The following CENPW variants were observed in gnomAD, a reference collection of about 807,000 sequenced individuals.
CENPW encodes cancer-up-regulated gene 2 protein.
CENPW carries 3 observed loss-of-function variants against 11.1 expected under a neutral mutation model. The ratio of observed to expected loss-of-function variants is 0.27; its 90% confidence interval spans 0.12 to 0.70. The LOEUF (loss-of-function observed/expected upper bound fraction) is 0.70, where lower values mean the gene tolerates loss of function less well. CENPW is among the 30% of genes least tolerant of loss of function. The probability of loss-of-function intolerance (pLI) is 0.77; values close to 1 mark genes in which losing one functional copy is unlikely to be tolerated. For missense variants in CENPW, 100 were observed against 105.6 expected (o/e 0.95, Z 0.23); for synonymous variants, 38 against 42.0 (o/e 0.91, Z 0.37).
intron 1 of CENPW, 105 bp downstream of exon 1, chr6:126,340,504 A>C: frequency 6.5e-7 from 1 of 1,549,444 alleles, no homozygotes; most frequent in Non-Finnish European, 8.9e-7. Context: ...TAGCTCTTTC[A>C]GGCCCCTGTT....
chr6:126,340,316 CG>C lies in CENPW; in HGVS notation c.45del (p.Lys16ArgfsTer7). The C allele has an allele frequency of 6.2e-7, 1 of 1,614,006 alleles. No individual in the cohort carries two copies. The highest frequency in any genetic ancestry group is 2.2e-5 in the East Asian group (1 of 44,882). On this transcript the variant is annotated frameshift_variant, in exon 1 of 3. Coordinates refer to ENST00000368328, the MANE Select transcript of CENPW (RefSeq NM_001012507.4). LOFTEE classifies it high-confidence loss of function. ...AGTCTCCCAGAGGAAGCAGATAAAG[CG>C]GAAGGCTCCCCGTGGCTTTCTAAAG... ...TIVSQRKQIK[R>X]KAPRGFLKRV...
the CENPW span, among the ~76,000 whole-genome samples, chr6:126,395,330 A>T: frequency 7.0e-4 from 107 of 152,168 alleles, no homozygotes; most frequent in African/African-American, 2.4e-3. Flanking sequence ...AGACTTTGAT[A>T]CGTTCTTCAG....
the CENPW span, among the ~76,000 whole-genome samples, chr6:126,356,160 C>T: frequency 3.3e-5 from 5 of 152,244 alleles, no homozygotes; most frequent in East Asian, 7.7e-4. Flanking sequence ...AATAAAAAGA[C>T]ACTAGTTTTT....
downstream of CENPW, among the ~76,000 whole-genome samples, chr6:126,349,072 T>A (rs534514069): frequency 6.6e-6 from 1 of 152,214 alleles, no homozygotes; most frequent in African/African-American, 2.4e-5. Context: ...GCAAATGACT[T>A]ATTTTCTTCA....
At chr6:126,358,471 G>C in the CENPW span, among the ~76,000 whole-genome samples, 1 of 152,112 alleles carries the variant, frequency 6.6e-6, no homozygotes, top group South Asian at 2.1e-4. Context: ...ATAATCATAT[G>C]GTTTTTGCTT....
At chr6:126,412,013 C>CCCCCTCCCTCCTTCCTTCCTTCCTTCCT in the CENPW span, among the ~76,000 whole-genome samples, 1 of 121,384 alleles carries the variant, frequency 8.2e-6, no homozygotes, top group Non-Finnish European at 1.8e-5. Flanking sequence ...CTCTCTCCCT[C>CCCCCTCCCTCCTTCCTTCCTTCCTTCCT]CCACTCCCTC....
the CENPW span, among the ~76,000 whole-genome samples, chr6:126,442,992 C>T: frequency 6.6e-6 from 1 of 150,952 alleles, no homozygotes; most frequent in African/African-American, 2.4e-5. Flanking sequence ...CTTCATAGTG[C>T]TAATGTAATT....
At chr6:126,455,717 CA>C in the CENPW span, among the ~76,000 whole-genome samples, 1 of 151,240 alleles carries the variant, frequency 6.6e-6, no homozygotes, top group Non-Finnish European at 1.5e-5. Context: ...AAGTCAAAGC[CA>C]GGGCAATCAG....
the CENPW span, among the ~76,000 whole-genome samples, chr6:126,401,690 G>T: frequency 6.6e-6 from 1 of 151,896 alleles, no homozygotes; most frequent in African/African-American, 2.4e-5. Context: ...ATGGATTTGG[G>T]GTTGGGCATT....
the CENPW span, among the ~76,000 whole-genome samples, chr6:126,443,505 G>A: frequency 1.3e-5 from 2 of 151,338 alleles, no homozygotes; most frequent in African/African-American, 4.8e-5. Flanking sequence ...GGAGGCACAT[G>A]CCTGGTTATT....
chr6:126,389,569 A>C, the CENPW span, among the ~76,000 whole-genome samples: 1 of 151,744 alleles, frequency 6.6e-6, no homozygotes, highest in African/African-American at 2.4e-5. Flanking sequence ...ACACGCGTGC[A>C]CATCCAGTTG....
the CENPW span, among the ~76,000 whole-genome samples, chr6:126,467,787 A>C: frequency 6.6e-6 from 1 of 152,176 alleles, no homozygotes; most frequent in Non-Finnish European, 1.5e-5. Context: ...CAGTATAAAA[A>C]GGGGCAAAAA....
downstream of CENPW, among the ~76,000 whole-genome samples, chr6:126,349,263 G>A (rs1318614384): frequency 6.6e-6 from 1 of 151,972 alleles, no homozygotes. Context: ...TCCCCCAATG[G>A]TTACATCTTA....
At chr6:126,419,588 A>G in the CENPW span, among the ~76,000 whole-genome samples, 1 of 152,220 alleles carries the variant, frequency 6.6e-6, no homozygotes. Context: ...TATAATTTAC[A>G]CAAACCAATA....
the CENPW span, among the ~76,000 whole-genome samples, chr6:126,433,916 T>A: frequency 6.6e-6 from 1 of 152,132 alleles, no homozygotes. Context: ...TATATATACA[T>A]AATAAATATG....
chr6:126,475,965 A>G, the CENPW span, among the ~76,000 whole-genome samples: 65,731 of 151,540 alleles, frequency 0.43, 16,480 homozygotes, highest in East Asian at 0.97. Flanking sequence ...CGTTAGAGCT[A>G]TTGAAGGCCA....
intron 1 of CENPW, among the ~76,000 whole-genome samples, chr6:126,342,000 A>T (rs1780320524): frequency 6.6e-6 from 1 of 152,196 alleles, no homozygotes; most frequent in South Asian, 2.1e-4. Flanking sequence ...AGCTTTTCCC[A>T]GGTAGTATGC....
At chr6:126,349,394 A>G (rs1390000771), downstream of CENPW, among the ~76,000 whole-genome samples, 1 of 152,264 alleles carries the variant, frequency 6.6e-6, no homozygotes, top group Non-Finnish European at 1.5e-5. Context: ...ATGTTTCATT[A>G]CCAAAAAAGT....
chr6:126,465,888 G>T, the CENPW span, among the ~76,000 whole-genome samples: 1 of 151,990 alleles, frequency 6.6e-6, no homozygotes, highest in East Asian at 1.9e-4. Flanking sequence ...ATCATGTGGG[G>T]ATATAAGTCT....
Sources: gnomAD v4.1 joint callset for allele counts (sites outside exome capture counted in the v4.1 genomes callset) on GRCh38, gnomAD v4.1.1 for gene constraint, MANE v1.5 for transcripts, NCBI Gene and HGNC (gene_info 2026-07-23, HGNC 2026-07-21) for gene names.